The following DGKI variants were observed in gnomAD, a reference collection of about 807,000 sequenced individuals.
DGKI encodes the protein diacylglycerol kinase iota, also known as DAG kinase iota.
Under a neutral mutation model 147.5 loss-of-function variants are expected in DGKI, and 55 were observed. The observed-to-expected ratio is 0.37, with a 90% CI of 0.30 to 0.47. DGKI has a LOEUF of 0.47. Among genes scored for constraint, DGKI ranks in the 20% least tolerant of loss-of-function variants. DGKI has a pLI of 1.00. For missense variants in DGKI, 1,007 were observed against 1,323.8 expected (o/e 0.76, Z 3.71); for synonymous variants, 469 against 477.1 (o/e 0.98, Z 0.22).
intron 1 of DGKI, among the ~76,000 whole-genome samples, chr7:137,762,157 G>A (rs1291438995): frequency 6.6e-6 from 1 of 152,110 alleles, no homozygotes; most frequent in Non-Finnish European, 1.5e-5. Context: ...ATGCCAATGT[G>A]ACCAGTTCAT....
rs1798652144 is a variant in DGKI at position 137,844,469 on chromosome 7, A to G, written c.401+1993T>C. Among the ~76,000 whole-genome samples, 5 of 152,212 alleles carry G rather than the reference A, an allele frequency of 3.3e-5. No individual in the cohort carries two copies. In the South Asian group the frequency reaches 1.0e-3, roughly 31 times the overall value. ...AAAATTCTCACCCACAGACAGTTTG[A>G]TTCTGCAAGTCTAGGGTGGTGAGCA... On this transcript the variant is annotated intron_variant, in intron 1 of 32. Coordinates refer to ENST00000614521, the MANE Select transcript of DGKI (RefSeq NM_001321708.2).
intron 21 of DGKI, among the ~76,000 whole-genome samples, chr7:137,493,307 T>C (rs2128938823): frequency 6.6e-6 from 1 of 152,298 alleles, no homozygotes; most frequent in South Asian, 2.1e-4. Flanking sequence ...TGCAAATGCC[T>C]GTATGGAGGC....
At chr7:137,600,060 G>A (rs927905557) in intron 10 of DGKI, among the ~76,000 whole-genome samples, 155 bp from the exon 11 acceptor site, 14 of 151,944 alleles carry the variant, frequency 9.2e-5, no homozygotes, top group African/African-American at 2.2e-4. Flanking sequence ...GACGCAGGTG[G>A]ATCACTTGAG....
chr7:137,787,742 A>C (rs1432292497), intron 1 of DGKI, among the ~76,000 whole-genome samples: 3 of 152,168 alleles, frequency 2.0e-5, no homozygotes, highest in Non-Finnish European at 4.4e-5. Flanking sequence ...GATAAAGAAA[A>C]TTTGGTGTAT....
intron 21 of DGKI, among the ~76,000 whole-genome samples, chr7:137,515,807 T>C (rs1816726395): frequency 6.6e-6 from 1 of 152,024 alleles, no homozygotes; most frequent in East Asian, 1.9e-4. Context: ...CTCACAGCAA[T>C]AGTACGATGT....
chr7:137,806,474 C>A (rs1797367006), intron 1 of DGKI, among the ~76,000 whole-genome samples: 2 of 152,054 alleles, frequency 1.3e-5, no homozygotes, highest in Non-Finnish European at 2.9e-5. Context: ...TGCTCTGTCA[C>A]CCAGGCTGAA....
intron 21 of DGKI, among the ~76,000 whole-genome samples, chr7:137,504,433 G>A (rs950530972): frequency 5.9e-5 from 9 of 151,960 alleles, no homozygotes; most frequent in Admixed American, 6.6e-5. Context: ...GCAAAGACTG[G>A]GCTTTAAGTT....
chr7:137,725,612 A>AG (rs1794695396), intron 1 of DGKI, among the ~76,000 whole-genome samples: 1 of 151,832 alleles, frequency 6.6e-6, no homozygotes, highest in South Asian at 2.1e-4. Context: ...TAAAAAAAAA[A>AG]AAGGTTGTGA....
At chr7:137,722,335 C>G (rs1794587644) in intron 1 of DGKI, 2 of 1,612,670 alleles carry the variant, frequency 1.2e-6, no homozygotes, top group East Asian at 4.5e-5. Context: ...TAGATATTAT[C>G]CTACTGAAGA....
chr7:137,738,612 C>A (rs1469534916), intron 1 of DGKI, among the ~76,000 whole-genome samples: 1 of 152,058 alleles, frequency 6.6e-6, no homozygotes, highest in African/African-American at 2.4e-5. Flanking sequence ...CAAATTCCAG[C>A]TCCCAGAGAA....
intron 23 of DGKI, among the ~76,000 whole-genome samples, chr7:137,483,929 G>A (rs979450587): frequency 6.6e-6 from 1 of 152,032 alleles, no homozygotes; most frequent in African/African-American, 2.4e-5. Flanking sequence ...CCAAGATAGT[G>A]GCTCTGGGTA....
chr7:137,510,078 C>T (rs140427899), intron 21 of DGKI, among the ~76,000 whole-genome samples: 39 of 152,322 alleles, frequency 2.6e-4, no homozygotes, highest in East Asian at 1.2e-3. Context: ...CTGCGGTTCA[C>T]GCATTGACCG....
At chr7:137,400,174 A>G (rs532648058) in intron 30 of DGKI, among the ~76,000 whole-genome samples, 5 of 152,320 alleles carry the variant, frequency 3.3e-5, no homozygotes, top group East Asian at 1.9e-4. Flanking sequence ...CCTGAGGCCT[A>G]TTTAGCTGCC....
At chr7:137,739,577 T>G (rs1283768451) in intron 1 of DGKI, among the ~76,000 whole-genome samples, 7 of 152,138 alleles carry the variant, frequency 4.6e-5, no homozygotes. Flanking sequence ...CTTGCTAATT[T>G]CCCATGGGTC....
intron 1 of DGKI, among the ~76,000 whole-genome samples, chr7:137,804,457 A>G (rs531366170): frequency 2.6e-5 from 4 of 152,360 alleles, no homozygotes; most frequent in African/African-American, 9.6e-5. Context: ...CGTCCTTTTA[A>G]TAAGTCTCTT....
chr7:137,626,219 T>C (rs931774079), intron 6 of DGKI, among the ~76,000 whole-genome samples: 1 of 152,132 alleles, frequency 6.6e-6, no homozygotes, highest in Non-Finnish European at 1.5e-5. Context: ...TGGGGTGGTC[T>C]TGAGGACCCC....
At chr7:137,417,127 C>A (rs1167561416) in intron 28 of DGKI, among the ~76,000 whole-genome samples, 3 of 152,118 alleles carry the variant, frequency 2.0e-5, no homozygotes, top group African/African-American at 7.2e-5. Context: ...CAATATTATT[C>A]TTCATAGTTT....
rs10238314 is a variant in DGKI at position 137,567,888 on chromosome 7, A to G, written c.1947+3287T>C. ...GCTATGCATATGATGTATATATGAC[A>G]TATATTGTATATACGTAATGTCTAG... On this transcript the variant is annotated intron_variant, in intron 19 of 32. Transcript: ENST00000614521. Among the ~76,000 whole-genome samples the G allele has an allele frequency of 4.7e-3, 714 of 152,310 alleles. 4 individuals are homozygous for G. The highest frequency in any genetic ancestry group is 0.016 in the African/African-American group (684 of 41,576).
intron 27 of DGKI, among the ~76,000 whole-genome samples, chr7:137,459,159 A>G (rs1814320507): frequency 6.6e-6 from 1 of 152,202 alleles, no homozygotes; most frequent in African/African-American, 2.4e-5. Flanking sequence ...CAGTAATGAT[A>G]GAAATCTAAT....
Sources: gnomAD v4.1 joint callset for allele counts (sites outside exome capture counted in the v4.1 genomes callset) on GRCh38, gnomAD v4.1.1 for gene constraint, MANE v1.5 for transcripts, NCBI Gene and HGNC (gene_info 2026-07-23, HGNC 2026-07-21) for gene names.